Variants in ZDHHC2 observed in about 807,000 individuals in gnomAD.
ZDHHC2 encodes palmitoyltransferase ZDHHC2.
In ZDHHC2, 51 loss-of-function variants were observed where a neutral mutation model predicts 55.6. The observed-to-expected ratio is 0.92, with a 90% confidence interval of 0.73 to 1.16. The LOEUF (loss-of-function observed/expected upper bound fraction) is 1.16. Among genes scored for constraint, ZDHHC2 ranks in the 50% most tolerant of loss-of-function variants. ZDHHC2 has a pLI of 0.00. For missense variants in ZDHHC2, 491 were observed against 442.4 expected (o/e 1.11, Z -0.99); for synonymous variants, 199 against 152.9 (o/e 1.30, Z -2.22).
intron 1 of ZDHHC2, among the ~76,000 whole-genome samples, chr8:17,158,323 A>G (rs1804167222): frequency 6.6e-6 from 1 of 152,188 alleles, no homozygotes; most frequent in South Asian, 2.1e-4. Context: ...TCGTCCTCTT[A>G]AAAACAGTGA....
Position 17,195,529 on chromosome 8 carries a change from A to G in ZDHHC2, c.278A>G (p.Asp93Gly). 6.2e-7 allele frequency: 1 copy of G among 1,613,740 alleles called. No homozygotes were observed. The highest frequency in any genetic ancestry group is 8.5e-7 in the Non-Finnish European group (1 of 1,179,772). ...KEFHLSYAEK[D>G]LLEREPRGEA... ...TTCCATCTCTCTTATGCAGAGAAAG[A>G]TTTGTTGGAGAGAGAGCCAAGAGGA... Residue 93 changes from aspartate to glycine, a missense_variant, in exon 4 of 13, where the codon GAT (aspartate) becomes GGT (glycine). Transcript: ENST00000262096.
intron 8 of ZDHHC2, among the ~76,000 whole-genome samples, chr8:17,209,217 A>G (rs1427004427): frequency 6.6e-6 from 1 of 152,232 alleles, no homozygotes; most frequent in Non-Finnish European, 1.5e-5. Flanking sequence ...CAGAATGAGC[A>G]TCACCAGATG....
At chr8:17,162,340 G>A (rs1804389530) in intron 1 of ZDHHC2, among the ~76,000 whole-genome samples, 1 of 152,160 alleles carries the variant, frequency 6.6e-6, no homozygotes, top group South Asian at 2.1e-4. Flanking sequence ...ATAAGTGAGA[G>A]GACAGGATCT....
At position 17,222,376 on chromosome 8, in the gene ZDHHC2, C is replaced by T. The variant is rs1807961714; in HGVS notation, c.*2155C>T. The T allele has an allele frequency of 6.6e-6, 1 of 151,644 alleles. No homozygotes were observed. The allele number at this position is 151,644 out of a possible 1,614,324, so 9.4% of individuals were successfully genotyped here. ...ACAAAGTGCTAAATAAATAGATCTA[C>T]ATTTTGTACATATTTATATAAAATT... On this transcript the variant is annotated 3_prime_UTR_variant, in exon 13 of 13. Coordinates refer to ENST00000262096, the MANE Select transcript of ZDHHC2 (RefSeq NM_016353.5).
At chr8:17,195,443 G>C in intron 3 of ZDHHC2, 61 bp from the exon 4 acceptor site, 1 of 1,534,178 alleles carries the variant, frequency 6.5e-7, no homozygotes. Context: ...GTATGGTAGA[G>C]AAGACCAATA....
intron 1 of ZDHHC2, among the ~76,000 whole-genome samples, chr8:17,180,569 G>T (rs1264400835): frequency 6.6e-6 from 1 of 152,100 alleles, no homozygotes; most frequent in Admixed American, 6.5e-5. Context: ...GATGAAAGAT[G>T]ATATATTATA....
chr8:17,166,273 T>A (rs1804595143), intron 1 of ZDHHC2, among the ~76,000 whole-genome samples: 1 of 152,198 alleles, frequency 6.6e-6, no homozygotes, highest in Non-Finnish European at 1.5e-5. Flanking sequence ...TCTGGACGTA[T>A]TTTTACAGTA....
chr8:17,169,008 T>G (rs1804732698), intron 1 of ZDHHC2, among the ~76,000 whole-genome samples: 2 of 152,198 alleles, frequency 1.3e-5, no homozygotes, highest in Admixed American at 6.5e-5. Context: ...AAATACCTGT[T>G]TGAGTCCCTG....
chr8:17,185,661 A>G (rs1208042314), intron 2 of ZDHHC2, among the ~76,000 whole-genome samples: 1 of 152,268 alleles, frequency 6.6e-6, no homozygotes, highest in South Asian at 2.1e-4. Flanking sequence ...CCCTGTCTCA[A>G]AAAAAAGGAA....
At chr8:17,204,773 T>C (rs1807013757) in intron 6 of ZDHHC2, among the ~76,000 whole-genome samples, 1 of 152,160 alleles carries the variant, frequency 6.6e-6, no homozygotes, top group African/African-American at 2.4e-5. Flanking sequence ...CACGTTTACC[T>C]GTCTAACAAA....
intron 6 of ZDHHC2, 151 bp from the exon 7 acceptor site, chr8:17,205,504 C>T (rs1807054970): frequency 1.2e-6 from 1 of 838,152 alleles, no homozygotes; most frequent in Non-Finnish European, 1.7e-6. Context: ...TGGATTTTTA[C>T]ATGATTGTAT....
At chr8:17,172,724 G>A (rs1002481500) in intron 1 of ZDHHC2, among the ~76,000 whole-genome samples, 2 of 152,202 alleles carry the variant, frequency 1.3e-5, no homozygotes, top group African/African-American at 2.4e-5. Flanking sequence ...GTCTGCATGT[G>A]AGAAATGTGT....
intron 3 of ZDHHC2, among the ~76,000 whole-genome samples, chr8:17,190,710 T>TA (rs950623766): frequency 9.9e-5 from 15 of 151,796 alleles, no homozygotes; most frequent in African/African-American, 3.1e-4. Flanking sequence ...TCTTTGTAGT[T>TA]AAAAAAAACT....
At position 17,199,209 on chromosome 8, in the gene ZDHHC2, A is replaced by G. The variant is rs544528401; in HGVS notation, c.476+796A>G. 6.6e-4 allele frequency among the ~76,000 whole-genome samples: 100 copies of G among 152,318 alleles called. 4 individuals carry two copies. The South Asian group carries it at 0.019, about 28-fold the overall frequency. ...TTTCTTAGCAGCAGGAAAGATTCCC[A>G]GGGGAATGTAGGATTATGGTATCCT... is the stretch of plus-strand genomic sequence containing the variant. On this transcript the variant is annotated intron_variant, in intron 6 of 12. Coordinates refer to ENST00000262096, the MANE Select transcript of ZDHHC2 (RefSeq NM_016353.5).
In ZDHHC2 at chr8:17,189,640, G is replaced by A. The variant is rs546505995; in HGVS notation, c.252+3215G>A. ...ATATATGACATCATTGGCTAACAGT[G>A]AAGACCTAAGTGGGTTAATTAAGGG... is the stretch of plus-strand genomic sequence containing the variant. On this transcript the variant is annotated intron_variant, in intron 3 of 12. Transcript: ENST00000262096. 3.3e-5 allele frequency among the ~76,000 whole-genome samples: 5 copies of A among 152,328 alleles called. No individual in the cohort carries two copies. In the South Asian group the frequency reaches 1.0e-3, roughly 32 times the overall value.
chr8:17,208,646 G>A (rs1365768926), intron 8 of ZDHHC2, among the ~76,000 whole-genome samples: 1 of 152,088 alleles, frequency 6.6e-6, no homozygotes, highest in African/African-American at 2.4e-5. Flanking sequence ...TAGTCAATTA[G>A]TGTTCATTTT....
At chr8:17,199,544 TC>T (rs1228821824) in intron 6 of ZDHHC2, among the ~76,000 whole-genome samples, 6 of 38,208 alleles carry the variant, frequency 1.6e-4, no homozygotes, top group African/African-American at 5.7e-4. Flanking sequence ...GTCTTCGTCT[TC>T]TGTCTTCGTC....
intron 1 of ZDHHC2, among the ~76,000 whole-genome samples, chr8:17,172,236 G>T (rs1804890498): frequency 6.6e-6 from 1 of 152,144 alleles, no homozygotes; most frequent in African/African-American, 2.4e-5. Context: ...AAGTATAAAA[G>T]AAAATCTAGC....
chr8:17,197,759 T>C, intron 5 of ZDHHC2, 108 bp downstream of exon 5: 1 of 1,224,956 alleles, frequency 8.2e-7, no homozygotes, highest in Non-Finnish European at 1.2e-6. Flanking sequence ...TTCTCGCTTC[T>C]CAGCCCTTGA....
Sources: allele counts gnomAD v4.1 joint callset (sites outside exome capture counted in the v4.1 genomes callset), GRCh38; gene constraint gnomAD v4.1.1; transcripts MANE v1.5; gene names NCBI Gene and HGNC (gene_info 2026-07-23, HGNC 2026-07-21).